ZNF407: variants seen among roughly 807,000 people sequenced by gnomAD.
The protein encoded by ZNF407 is zinc finger protein 407.
ZNF407 carries 17 observed loss-of-function variants against 131.2 expected under a neutral mutation model. That is an observed-to-expected ratio of 0.13 (90% CI 0.09 to 0.19). The LOEUF is 0.19. Among genes scored for constraint, ZNF407 ranks in the 10% least tolerant of loss-of-function variants. The pLI is 1.00. For missense variants in ZNF407, 2,681 were observed against 2,830.6 expected (o/e 0.95, Z 1.20); for synonymous variants, 1,156 against 1,062.0 (o/e 1.09, Z -1.72).
chr18:74,604,551 T>A (rs1267302698), intron 1 of ZNF407, among the ~76,000 whole-genome samples: 1 of 152,232 alleles, frequency 6.6e-6, no homozygotes, highest in Non-Finnish European at 1.5e-5. Context: ...GGTGGCTGCT[T>A]CAGTGCAGGG....
chr18:74,954,816 C>A (rs913087515), intron 8 of ZNF407, among the ~76,000 whole-genome samples: 1 of 152,176 alleles, frequency 6.6e-6, no homozygotes, highest in Non-Finnish European at 1.5e-5. Flanking sequence ...ACCATCATTG[C>A]CATCCTTTCG....
At chr18:74,785,454 A>G (rs1969684529) in intron 4 of ZNF407, among the ~76,000 whole-genome samples, 1 of 152,158 alleles carries the variant, frequency 6.6e-6, no homozygotes, top group South Asian at 2.1e-4. Context: ...CTTATTGATG[A>G]GTCAAATCTT....
chr18:74,811,790 C>T (rs190180809), intron 4 of ZNF407, among the ~76,000 whole-genome samples: 2 of 151,804 alleles, frequency 1.3e-5, no homozygotes, highest in African/African-American at 2.4e-5. Flanking sequence ...AACCAAACAC[C>T]GCATATTCTC....
intron 8 of ZNF407, among the ~76,000 whole-genome samples, chr18:75,039,463 C>T (rs571626342): frequency 7.6e-4 from 116 of 152,300 alleles, no homozygotes; most frequent in Non-Finnish European, 1.5e-3. Context: ...ACTGAGGCTG[C>T]TGTGACAACA....
chr18:74,826,790 G>A (rs1015291127), intron 4 of ZNF407, among the ~76,000 whole-genome samples: 3 of 152,284 alleles, frequency 2.0e-5, no homozygotes, highest in South Asian at 2.1e-4. Flanking sequence ...GAGGGTTAAC[G>A]TACAGTAAGC....
chr18:74,923,832 G>T (rs1971877916), intron 8 of ZNF407, among the ~76,000 whole-genome samples: 1 of 152,024 alleles, frequency 6.6e-6, no homozygotes, highest in Non-Finnish European at 1.5e-5. Flanking sequence ...GCTTATAGTT[G>T]CATTTTGTTT....
In ZNF407 at chr18:74,859,959, C is replaced by T. The variant is rs1025797060; in HGVS notation, c.4878-17238C>T. Among the ~76,000 whole-genome samples, 68 of 152,288 alleles carry T rather than the reference C, an allele frequency of 4.5e-4. 1 individual carries two copies. Among genetic ancestry groups the T allele is most frequent in the African/African-American group, 1.6e-3 (65 of 41,550 alleles). On this transcript the variant is annotated intron_variant, in intron 4 of 8. Transcript: ENST00000299687. ...AGAAACAAATGGTGTCCTCTCAACA[C>T]AGTTAAGATATTCAATACTCCCTTC...
At chr18:74,959,795 A>T (rs2145289801) in intron 8 of ZNF407, among the ~76,000 whole-genome samples, 1 of 152,292 alleles carries the variant, frequency 6.6e-6, no homozygotes, top group East Asian at 1.9e-4. Context: ...AATTTTTAGG[A>T]TTTGAGCCTT....
chr18:74,802,966 TTCAGGGTATC>T (rs1970046032), intron 4 of ZNF407, among the ~76,000 whole-genome samples: 1 of 152,208 alleles, frequency 6.6e-6, no homozygotes, highest in African/African-American at 2.4e-5. Flanking sequence ...GTGTAGGAAT[TTCAGGGTATC>T]TCAGGCCATA....
At chr18:74,987,330 T>C (rs1972665252) in intron 8 of ZNF407, among the ~76,000 whole-genome samples, 1 of 152,236 alleles carries the variant, frequency 6.6e-6, no homozygotes, top group Admixed American at 6.5e-5. Context: ...CTGTGAAATT[T>C]ATTACAGCAA....
chr18:75,051,684 C>A lies in ZNF407; in HGVS notation c.5429-11466C>A, dbSNP rs193007664. ...TGTTCCAGTTCTTAGATATCCTACC[C>A]TTTAAAAACTTTAACAGCTCTTAAA... On this transcript the variant is annotated intron_variant, in intron 8 of 8. Coordinates refer to ENST00000299687, the MANE Select transcript of ZNF407 (RefSeq NM_017757.3). Among the ~76,000 whole-genome samples, 23 of 152,308 alleles carry A rather than the reference C, an allele frequency of 1.5e-4. 1 individual carries two copies. The East Asian group carries it at 3.9e-3, about 26-fold the overall frequency.
chr18:74,639,848 C>T (rs1984627601), intron 2 of ZNF407, among the ~76,000 whole-genome samples: 1 of 151,168 alleles, frequency 6.6e-6, no homozygotes, highest in Admixed American at 6.6e-5. Flanking sequence ...TTACTGAGTG[C>T]TTCAATTTCA....
intron 3 of ZNF407, among the ~76,000 whole-genome samples, chr18:74,692,989 C>T (rs1367211755): frequency 6.6e-6 from 1 of 152,232 alleles, no homozygotes; most frequent in Non-Finnish European, 1.5e-5. Flanking sequence ...ATGCCCCAGT[C>T]TTTCTCATCT....
At chr18:74,976,822 G>A (rs1972533758) in intron 8 of ZNF407, among the ~76,000 whole-genome samples, 1 of 152,240 alleles carries the variant, frequency 6.6e-6, no homozygotes, top group South Asian at 2.1e-4. Flanking sequence ...TTCGTGTCAT[G>A]TGGGTTTCCG....
intron 8 of ZNF407, among the ~76,000 whole-genome samples, chr18:75,035,319 T>C (rs1397927479): frequency 6.6e-6 from 1 of 152,212 alleles, no homozygotes; most frequent in Non-Finnish European, 1.5e-5. Context: ...TTAACAATTA[T>C]GAGAAAGTGA....
intron 1 of ZNF407, among the ~76,000 whole-genome samples, chr18:74,613,340 T>C (rs909772480): frequency 2.0e-5 from 3 of 152,350 alleles, no homozygotes; most frequent in Admixed American, 6.5e-5. Flanking sequence ...TAAGCCATCA[T>C]ATTATAGTCA....
chr18:75,057,098 G>A (rs115517828), intron 8 of ZNF407, among the ~76,000 whole-genome samples: 59 of 152,200 alleles, frequency 3.9e-4, no homozygotes, highest in African/African-American at 1.4e-3. Flanking sequence ...ATTACGACAA[G>A]GAACCATCCC....
chr18:74,599,261 A>G (rs1319297525), intron 1 of ZNF407, among the ~76,000 whole-genome samples: 1 of 152,216 alleles, frequency 6.6e-6, no homozygotes, highest in Non-Finnish European at 1.5e-5. Flanking sequence ...CTTGCGTGAC[A>G]TGTAAGGCAG....
chr18:74,982,798 T>TA (rs1417391412), intron 8 of ZNF407, among the ~76,000 whole-genome samples: 2 of 152,122 alleles, frequency 1.3e-5, no homozygotes, highest in Non-Finnish European at 2.9e-5. Flanking sequence ...TTATGTAAAA[T>TA]AAAAAAGAAA....
Sources: gnomAD v4.1 joint callset for allele counts (sites outside exome capture counted in the v4.1 genomes callset) on GRCh38, gnomAD v4.1.1 for gene constraint, MANE v1.5 for transcripts, NCBI Gene and HGNC (gene_info 2026-07-23, HGNC 2026-07-21) for gene names.